Variants in TRIM2 observed in about 807,000 individuals in gnomAD.
TRIM2 encodes tripartite motif containing 2, also known as tripartite motif-containing protein 2.
Under a neutral mutation model 75.2 loss-of-function variants are expected in TRIM2, and 20 were observed. That is an observed-to-expected ratio of 0.27 (90% CI 0.19 to 0.39). The LOEUF is 0.39. Ranked by LOEUF, TRIM2 falls within the 10% of genes least tolerant of loss-of-function variation. TRIM2 has a pLI of 1.00. For synonymous variants in TRIM2, 373 were observed against 388.3 expected (o/e 0.96, Z 0.46); for missense variants, 660 against 990.8 (o/e 0.67, Z 4.48).
rs1049213870 is a variant in TRIM2, at chr4:153,289,230, G to T, written c.454-3752G>T. On this transcript the variant is annotated intron_variant, in intron 3 of 11. Transcript: ENST00000338700. Reference sequence around the variant, plus strand: ...CCTCTCCCTAGGGTTTTTTGTTGATGATTATTATAGTTTTTTGCTGTTGTT... The same window carrying T: ...CCTCTCCCTAGGGTTTTTTGTTGATTATTATTATAGTTTTTTGCTGTTGTT... Among the ~76,000 whole-genome samples, 9 of 152,140 alleles carry T rather than the reference G, an allele frequency of 5.9e-5. No individual in the cohort carries two copies. The South Asian group carries it at 1.9e-3, about 32-fold the overall frequency.
upstream of TRIM2, among the ~76,000 whole-genome samples, chr4:153,203,751 G>A (rs565243397): frequency 6.6e-6 from 1 of 152,242 alleles, no homozygotes; most frequent in South Asian, 2.1e-4. Context: ...AATTCACCAG[G>A]TGTGGTGGTG....
At chr4:153,271,785 T>C (rs1756733602) in intron 2 of TRIM2, among the ~76,000 whole-genome samples, 1 of 152,164 alleles carries the variant, frequency 6.6e-6, no homozygotes, top group African/African-American at 2.4e-5. Flanking sequence ...TGGGCACACA[T>C]GGGAAGATCG....
At position 153,244,280 on chromosome 4, in the gene TRIM2, C is replaced by T. The variant is rs867470409; in HGVS notation, c.31-26055C>T. ...CCTCCTCCTCCTCCTCCTCCTCCTC[C>T]TCCTCCTCCTCCTCCTCCTCCTCCT... is the stretch of plus-strand genomic sequence containing the variant. On this transcript the variant is annotated intron_variant, in intron 1 of 11. Coordinates refer to ENST00000338700, the MANE Select transcript of TRIM2 (RefSeq NM_015271.5). Among the ~76,000 whole-genome samples, 89 of 19,310 alleles carry T rather than the reference C, an allele frequency of 4.6e-3. 8 individuals carry two copies. Among genetic ancestry groups the T allele is most frequent in the African/African-American group, 6.7e-3 (23 of 3,444 alleles). The allele number at this position is 19,310 out of a possible 152,430, so 12.7% of individuals were successfully genotyped here. A position where few individuals can be genotyped will look rare whatever the true frequency, so the allele number is the denominator to read the frequency against.
intron 1 of TRIM2, among the ~76,000 whole-genome samples, chr4:153,231,817 C>T (rs1385639203): frequency 6.6e-6 from 1 of 152,110 alleles, no homozygotes; most frequent in African/African-American, 2.4e-5. Context: ...GTAAGGACAT[C>T]AGTCATATTG....
At chr4:153,200,505 C>A (rs539110834), upstream of TRIM2, among the ~76,000 whole-genome samples, 1 of 151,942 alleles carries the variant, frequency 6.6e-6, no homozygotes, top group Non-Finnish European at 1.5e-5. Context: ...GGGATGTACA[C>A]GTATTTGTTT....
At position 153,336,705 on chromosome 4, in the gene TRIM2, C is replaced by T. The variant is rs1772494262; in HGVS notation, c.*1739C>T. The T allele has an allele frequency of 2.4e-5, 24 of 984,876 alleles. No individual in the cohort carries two copies. The highest frequency in any genetic ancestry group is 2.9e-5 in the Non-Finnish European group (24 of 829,118). The allele number at this position is 984,876 out of a possible 1,614,324, so 61.0% of individuals were successfully genotyped here. On this transcript the variant is annotated 3_prime_UTR_variant, in exon 12 of 12. Coordinates refer to ENST00000338700, the MANE Select transcript of TRIM2 (RefSeq NM_015271.5). ...CTTATTAATTTATAATTCAGTCATT[C>T]TCTATATAGGACTTCTTAAAATTTA...
At chr4:153,202,626 G>A (rs538785132), upstream of TRIM2, among the ~76,000 whole-genome samples, 183 of 151,256 alleles carry the variant, frequency 1.2e-3, no homozygotes, top group Non-Finnish European at 1.8e-3. Context: ...CTGAACCCGA[G>A]AGGCGGAGCT....
At chr4:153,334,447 T>G (rs1772181973) in intron 11 of TRIM2, among the ~76,000 whole-genome samples, 1 of 151,634 alleles carries the variant, frequency 6.6e-6, no homozygotes, top group Non-Finnish European at 1.5e-5. Flanking sequence ...AGGCTGTTCT[T>G]AAACTCCTGG....
chr4:153,297,238 G>A (rs1392178203), intron 6 of TRIM2, among the ~76,000 whole-genome samples: 1 of 152,172 alleles, frequency 6.6e-6, no homozygotes, highest in Non-Finnish European at 1.5e-5. Context: ...GAGCATGGAA[G>A]CCCTCATACA....
intron 6 of TRIM2, among the ~76,000 whole-genome samples, chr4:153,313,826 G>A (rs1332627843): frequency 6.6e-6 from 1 of 150,938 alleles, no homozygotes; most frequent in African/African-American, 2.5e-5. Context: ...TAGTAGAGAT[G>A]GGGTTTCACC....
At chr4:153,301,058 G>A (rs1408483205) in intron 6 of TRIM2, among the ~76,000 whole-genome samples, 2 of 151,862 alleles carry the variant, frequency 1.3e-5, no homozygotes, top group Non-Finnish European at 2.9e-5. Flanking sequence ...AGGTGTGGTG[G>A]CAAATGCCTG....
At chr4:153,260,512 A>G (rs1020465380) in intron 1 of TRIM2, among the ~76,000 whole-genome samples, 1 of 152,096 alleles carries the variant, frequency 6.6e-6, no homozygotes, top group Non-Finnish European at 1.5e-5. Flanking sequence ...CAGCTTAAAA[A>G]TCAGCTTCCA....
At chr4:153,257,085 G>A (rs1399047308) in intron 1 of TRIM2, among the ~76,000 whole-genome samples, 1 of 152,210 alleles carries the variant, frequency 6.6e-6, no homozygotes, top group African/African-American at 2.4e-5. Context: ...CATATGCCCA[G>A]TTTCTTCCTA....
chr4:153,192,186 G>A (rs1040725191), intron 1 of TRIM2, among the ~76,000 whole-genome samples: 4 of 152,150 alleles, frequency 2.6e-5, no homozygotes, highest in African/African-American at 9.7e-5. Context: ...AGGGCCACAG[G>A]CCAACTTGTT....
intron 3 of TRIM2, among the ~76,000 whole-genome samples, chr4:153,287,529 G>A (rs1760924306): frequency 6.6e-6 from 1 of 151,986 alleles, no homozygotes; most frequent in South Asian, 2.1e-4. Context: ...CTTCTTTTAT[G>A]TTTAATAGAT....
At chr4:153,260,761 C>T (rs955295894) in intron 1 of TRIM2, among the ~76,000 whole-genome samples, 7 of 137,466 alleles carry the variant, frequency 5.1e-5, no homozygotes, top group Middle Eastern at 3.6e-3. Flanking sequence ...TCATCATCAT[C>T]ATCAGGAAAG....
chr4:153,323,830 G>C (rs1018853669), intron 9 of TRIM2, among the ~76,000 whole-genome samples: 2 of 152,076 alleles, frequency 1.3e-5, no homozygotes, highest in Non-Finnish European at 2.9e-5. Context: ...CACTTCATTA[G>C]GGCTGCTAGA....
chr4:153,183,911 TCTTAA>T (rs1485161610), intron 1 of TRIM2, among the ~76,000 whole-genome samples: 1 of 152,168 alleles, frequency 6.6e-6, no homozygotes, highest in Non-Finnish European at 1.5e-5. Context: ...TGGGTAAGTG[TCTTAA>T]CTTTTCTGAG....
chr4:153,213,659 C>T (rs1304715902), intron 1 of TRIM2, among the ~76,000 whole-genome samples: 2 of 152,166 alleles, frequency 1.3e-5, no homozygotes, highest in Non-Finnish European at 2.9e-5. Flanking sequence ...TTCCAAGTAG[C>T]TGGGATTACA....
Sources: gnomAD v4.1 joint callset for allele counts (sites outside exome capture counted in the v4.1 genomes callset) on GRCh38, gnomAD v4.1.1 for gene constraint, MANE v1.5 for transcripts, NCBI Gene and HGNC (gene_info 2026-07-23, HGNC 2026-07-21) for gene names.